Variants in LMBR1 observed in about 807,000 individuals in gnomAD.
The protein encoded by LMBR1 is limb development membrane protein 1, also known as limb region 1 protein homolog.
Under a neutral mutation model 73.9 loss-of-function variants are expected in LMBR1, and 52 were observed. The ratio of observed to expected loss-of-function variants is 0.70; its 90% confidence interval spans 0.56 to 0.89. The LOEUF (loss-of-function observed/expected upper bound fraction) is 0.89. LMBR1 is among the 40% of genes least tolerant of loss of function. LMBR1 has a pLI of 0.00. For synonymous variants in LMBR1, 215 were observed against 209.4 expected (o/e 1.03, Z -0.23); for missense variants, 539 against 579.8 (o/e 0.93, Z 0.72).
At chr7:156,805,903 T>C (rs948553492) in intron 4 of LMBR1, among the ~76,000 whole-genome samples, 4 of 151,932 alleles carry the variant, frequency 2.6e-5, no homozygotes, top group African/African-American at 9.7e-5. Flanking sequence ...CAGAAGAGAG[T>C]TTGCTTTCTC....
chr7:156,692,022 A>C (rs1807297953), intron 15 of LMBR1, among the ~76,000 whole-genome samples: 1 of 152,200 alleles, frequency 6.6e-6, no homozygotes, highest in Non-Finnish European at 1.5e-5. Flanking sequence ...CATAAAACGA[A>C]AGAGAGGCTC....
Position 156,725,735 on chromosome 7 carries a change from G to C in LMBR1, c.1067+29C>G, listed in dbSNP as rs750688131. 56 of 1,597,994 alleles carry C rather than the reference G, an allele frequency of 3.5e-5. 1 individual carries two copies. The Admixed American group carries it at 8.8e-4, about 25-fold the overall frequency. On this transcript the variant is annotated intron_variant, in intron 13 of 16. Transcript: ENST00000353442. ...AAACTTGGTATAAAATTTGTGGATA[G>C]GCTGAACGTTCAGTTAAAGAAAGGA...
At chr7:156,844,152 C>A (rs1024455465) in intron 1 of LMBR1, among the ~76,000 whole-genome samples, 1 of 151,918 alleles carries the variant, frequency 6.6e-6, no homozygotes, top group Non-Finnish European at 1.5e-5. Flanking sequence ...TGGAGAAACC[C>A]CGTCTCTACA....
rs187087999 is a variant in LMBR1 at position 156,680,000 on chromosome 7, A to G, written c.*4078T>C. ...TTCAAGACATATGGATCAATCACCA[A>G]GTTTTGAAATTTTGTATATATTTGT... On this transcript the variant is annotated 3_prime_UTR_variant, in exon 17 of 17. Transcript: ENST00000353442. The G allele has an allele frequency of 1.2e-3, 177 of 152,318 alleles. No individual in the cohort carries two copies. The highest frequency in any genetic ancestry group is 4.1e-3 in the African/African-American group (169 of 41,576). The allele number at this position is 152,318 out of a possible 1,614,324, so 9.4% of individuals were successfully genotyped here.
intron 1 of LMBR1, among the ~76,000 whole-genome samples, chr7:156,861,331 C>T (rs536666371): frequency 6.6e-6 from 1 of 152,308 alleles, no homozygotes; most frequent in African/African-American, 2.4e-5. Flanking sequence ...CCCTTTTAGT[C>T]ACAGCTGGAA....
intron 4 of LMBR1, among the ~76,000 whole-genome samples, chr7:156,816,374 G>A (rs1371311203): frequency 6.6e-6 from 1 of 151,930 alleles, no homozygotes; most frequent in Non-Finnish European, 1.5e-5. Flanking sequence ...CCAGGCTAAC[G>A]TTTGTATTTT....
At chr7:156,871,344 T>C (rs935797462) in intron 1 of LMBR1, among the ~76,000 whole-genome samples, 3 of 152,210 alleles carry the variant, frequency 2.0e-5, no homozygotes, top group Admixed American at 2.0e-4. Flanking sequence ...ATGGTTTCAT[T>C]GATGAATGCT....
chr7:156,845,097 A>G (rs1368396800), intron 1 of LMBR1, among the ~76,000 whole-genome samples: 3 of 152,162 alleles, frequency 2.0e-5, no homozygotes, highest in African/African-American at 4.8e-5. Flanking sequence ...TCACCAACAC[A>G]TTTCTAACAA....
intron 15 of LMBR1, among the ~76,000 whole-genome samples, chr7:156,690,606 A>G (rs1318021008): frequency 6.6e-6 from 1 of 152,236 alleles, no homozygotes; most frequent in Non-Finnish European, 1.5e-5. Flanking sequence ...AGACATATCT[A>G]GGCAAAGAAC....
At chr7:156,859,557 C>T (rs1270843387) in intron 1 of LMBR1, among the ~76,000 whole-genome samples, 1 of 135,114 alleles carries the variant, frequency 7.4e-6, no homozygotes, top group Non-Finnish European at 1.6e-5. Context: ...CAATTAACAA[C>T]TGGAATTTGA....
rs558186884 is a variant in LMBR1, at chr7:156,670,626, C to T, written n.867-1339G>A. ...GAGTCATCTTGGAAGTGGCCAGGAACGAGGACAGACGATGGCAAACCCTGG... is the reference window on the plus strand; with the variant it reads ...GAGTCATCTTGGAAGTGGCCAGGAATGAGGACAGACGATGGCAAACCCTGG... On this transcript the variant is annotated intron_variant and non_coding_transcript_variant, in intron 4 of 4. Coordinates refer to the LMBR1 transcript ENST00000430825. The surrounding 1 kb of genome is among the most constrained non-coding windows in gnomAD (Gnocchi z 4.3). Among the ~76,000 whole-genome samples the T allele has an allele frequency of 1.5e-4, 23 of 152,254 alleles. No homozygotes were observed. In the East Asian group the frequency reaches 4.2e-3, roughly 28 times the overall value.
At chr7:156,675,736 C>A, downstream of LMBR1, 1 of 1,613,936 alleles carries the variant, frequency 6.2e-7, no homozygotes, top group South Asian at 1.1e-5. Context: ...TCATACAACA[C>A]CAACATTGAA....
In LMBR1 at chr7:156,689,955, A is replaced by G. The variant is rs374007571; in HGVS notation, c.1226-1764T>C. 1.2e-4 allele frequency among the ~76,000 whole-genome samples: 18 copies of G among 152,352 alleles called. No homozygotes were observed. The East Asian group carries it at 1.9e-3, about 16-fold the overall frequency. On this transcript the variant is annotated intron_variant, in intron 15 of 16. Coordinates refer to ENST00000353442, the MANE Select transcript of LMBR1 (RefSeq NM_022458.4). ...AGTGGCTTCAACCCAGAGATCTCAG[A>G]TAAGTAATTTTATCATTAGGGCCAA...
At chr7:156,730,559 A>G (rs1816648924) in intron 10 of LMBR1, among the ~76,000 whole-genome samples, 1 of 152,200 alleles carries the variant, frequency 6.6e-6, no homozygotes, top group South Asian at 2.1e-4. Context: ...GCAAAAGTAC[A>G]TCCTCCCAAA....
At chr7:156,858,982 G>C (rs562581423) in intron 1 of LMBR1, among the ~76,000 whole-genome samples, 1 of 152,056 alleles carries the variant, frequency 6.6e-6, no homozygotes, top group East Asian at 1.9e-4. Flanking sequence ...GGCTGGGCAC[G>C]GTGGCTCAGA....
chr7:156,779,782 G>A (rs1826796598), intron 5 of LMBR1: 4 of 871,894 alleles, frequency 4.6e-6, no homozygotes, highest in Non-Finnish European at 4.8e-6. Context: ...TACCCATTAG[G>A]AAGCCTGGGA....
At chr7:156,676,516 T>C, downstream of LMBR1, 1 of 1,614,048 alleles carries the variant, frequency 6.2e-7, no homozygotes, top group Non-Finnish European at 8.5e-7. Context: ...TCCAGAGAGA[T>C]GGCCCTCCTG....
At chr7:156,725,704 C>G in intron 13 of LMBR1, 60 bp downstream of exon 13, 1 of 1,465,710 alleles carries the variant, frequency 6.8e-7, no homozygotes, top group Non-Finnish European at 9.5e-7. Context: ...TAACTACTGC[C>G]CCAGAAAACT....
intron 9 of LMBR1, among the ~76,000 whole-genome samples, chr7:156,755,483 T>C (rs1044944194): frequency 2.6e-5 from 4 of 152,232 alleles, no homozygotes; most frequent in Admixed American, 6.5e-5. Flanking sequence ...AATCCTACAC[T>C]GCAGGGAGCA....
Sources: allele counts gnomAD v4.1 joint callset (sites outside exome capture counted in the v4.1 genomes callset), GRCh38; gene constraint gnomAD v4.1.1; non-coding constraint Gnocchi (gnomAD v3.1); transcripts MANE v1.5; gene names NCBI Gene and HGNC (gene_info 2026-07-23, HGNC 2026-07-21).